The following ZNF146 variants were observed in gnomAD, a reference collection of about 807,000 sequenced individuals.
ZNF146 encodes the protein zinc finger protein OZF.
In ZNF146, 9 loss-of-function variants were observed where a neutral mutation model predicts 22.2. The ratio of observed to expected loss-of-function variants is 0.41; its 90% CI spans 0.24 to 0.71. ZNF146 has a LOEUF of 0.71. Among genes scored for constraint, ZNF146 ranks in the 30% least tolerant of loss-of-function variants. The probability of loss-of-function intolerance (pLI) is 0.34; values close to 1 mark genes in which losing one functional copy is unlikely to be tolerated. For missense variants in ZNF146, 194 were observed against 344.8 expected (o/e 0.56, Z 3.46); for synonymous variants, 108 against 119.2 (o/e 0.91, Z 0.61).
intron 2 of ZNF146, among the ~76,000 whole-genome samples, chr19:36,223,584 C>T (rs1218935084): frequency 6.6e-6 from 1 of 151,898 alleles, no homozygotes; most frequent in Non-Finnish European, 1.5e-5. Context: ...AGGATGGTCT[C>T]GATCTCCTGA....
At position 36,217,885 on chromosome 19, in the gene ZNF146, CAAAAAAAA is replaced by C. The variant is rs10590776; in HGVS notation, c.-928-227_-928-220del. Among the ~76,000 whole-genome samples, 4 of 133,272 alleles carry C rather than the reference CAAAAAAAA, an allele frequency of 3.0e-5. No homozygotes were observed. In the East Asian group the frequency reaches 8.8e-4, roughly 29 times the overall value. The allele number at this position is 133,272 out of a possible 152,430, so 87.4% of individuals were successfully genotyped here. On this transcript the variant is annotated intron_variant, in intron 1 of 3. Transcript: ENST00000443387. ...GGGCAACGAGAGTGAAACTCCATCT[CAAAAAAAA>C]AAAAAAAAATTCAAAAGATACATAC...
Position 36,236,153 on chromosome 19 carries a change from A to G in ZNF146, c.-288A>G. The G allele has an allele frequency of 2.9e-6, 1 of 339,590 alleles. No individual in the cohort carries two copies. Among genetic ancestry groups the G allele is most frequent in the Non-Finnish European group, 5.3e-6 (1 of 187,370 alleles). 21.0% of individuals were successfully genotyped at this position (339,590 alleles called of 1,614,324 possible). ...GTATTGACAAGCCCTTAGCTAGATG[A>G]CAATCTCATTGAGAAGCAGAAAATT... On this transcript the variant is annotated 5_prime_UTR_variant, in exon 4 of 4. It removes the in-frame stop codon of an upstream open reading frame in the 5' UTR. Coordinates refer to ENST00000443387, the MANE Select transcript of ZNF146 (RefSeq NM_007145.3).
chr19:36,219,289 G>C (rs1296622223), intron 2 of ZNF146, among the ~76,000 whole-genome samples: 1 of 152,060 alleles, frequency 6.6e-6, no homozygotes, highest in Non-Finnish European at 1.5e-5. Context: ...CACCCCCGCA[G>C]TGGTTGGGAC....
intron 2 of ZNF146, among the ~76,000 whole-genome samples, chr19:36,226,076 A>T (rs924116597): frequency 6.6e-6 from 1 of 152,154 alleles, no homozygotes; most frequent in Non-Finnish European, 1.5e-5. Context: ...AGCCCACGGT[A>T]ACATTTCTCC....
chr19:36,220,292 C>T (rs900475569), intron 2 of ZNF146, among the ~76,000 whole-genome samples: 3 of 151,696 alleles, frequency 2.0e-5, no homozygotes, highest in Non-Finnish European at 4.4e-5. Context: ...AGTCCATATT[C>T]GTATTTCTAA....
At chr19:36,215,038 T>A (rs1976536072), upstream of ZNF146, 1 of 152,330 alleles carries the variant, frequency 6.6e-6, no homozygotes, top group African/African-American at 2.4e-5. Context: ...AGTACCAGCC[T>A]GGGCCTGGCC....
At chr19:36,225,830 G>T (rs1230269333) in intron 2 of ZNF146, among the ~76,000 whole-genome samples, 2 of 142,816 alleles carry the variant, frequency 1.4e-5, no homozygotes, top group African/African-American at 5.3e-5. Flanking sequence ...GCATGATCAC[G>T]GCTCACTGCA....
chr19:36,236,515 C>T lies in ZNF146; in HGVS notation c.75C>T (p.Phe25=). The T allele has an allele frequency of 1.2e-6, 2 of 1,614,182 alleles. No homozygotes were observed. The highest frequency in any genetic ancestry group is 1.7e-6 in the Non-Finnish European group (2 of 1,180,028). ...PFACKVCGKV[F]SHKSNLTEHE... ...CCTGTAAGGTATGTGGAAAAGTCTT[C>T]AGCCACAAATCAAACCTCACTGAGC... is the stretch of plus-strand genomic sequence containing the variant. Residue 25 remains phenylalanine (F), a synonymous_variant, in exon 4 of 4, where the codon TTC becomes TTT. Coordinates refer to ENST00000443387, the MANE Select transcript of ZNF146 (RefSeq NM_007145.3).
chr19:36,236,903 C>G lies in ZNF146; in HGVS notation c.463C>G (p.Pro155Ala), dbSNP rs1362163987. ...EHEKIHIGEK[P>A]FKCSECGTAF... ...TGAGAAAATCCATATTGGAGAGAAG[C>G]CTTTTAAATGTAGTGAATGTGGAAC... is the stretch of plus-strand genomic sequence containing the variant. Residue 155 changes from proline (P) to alanine (A), a missense_variant, in exon 4 of 4, where the codon CCT (proline) becomes GCT (alanine). Around this residue, in one of 2 missense-constraint regions of ZNF146, gnomAD observed 147 missense variants for 300.1 expected, o/e 0.49. Transcript: ENST00000443387. 3 of 1,613,952 alleles carry G rather than the reference C, an allele frequency of 1.9e-6. No individual in the cohort carries two copies. The highest frequency in any genetic ancestry group is 3.3e-5 in the Admixed American group (2 of 60,004).
chr19:36,214,846 T>C (rs970791341), upstream of ZNF146: 1 of 152,580 alleles, frequency 6.6e-6, no homozygotes, highest in African/African-American at 2.4e-5. Flanking sequence ...CTCCAGACCT[T>C]CCAGCAAGCT....
intron 2 of ZNF146, among the ~76,000 whole-genome samples, chr19:36,221,284 CTTTTTTTTTTTTTT>C (rs74172797): frequency 2.0e-5 from 2 of 98,700 alleles, no homozygotes; most frequent in African/African-American, 8.4e-5. Context: ...TAAGGGACTG[CTTTTTTTTTTTTTT>C]TTTTTTTTGA....
intron 3 of ZNF146, among the ~76,000 whole-genome samples, chr19:36,229,155 A>G (rs933025723): frequency 1.3e-5 from 2 of 152,152 alleles, no homozygotes; most frequent in Non-Finnish European, 2.9e-5. Flanking sequence ...AACCTTACAT[A>G]TTGTCTGATA....
At chr19:36,221,806 A>G (rs192522648) in intron 2 of ZNF146, among the ~76,000 whole-genome samples, 155 of 148,732 alleles carry the variant, frequency 1.0e-3, no homozygotes, top group Non-Finnish European at 1.9e-3. Flanking sequence ...ACTATTATAT[A>G]TTTCTCTTCA....
intron 2 of ZNF146, among the ~76,000 whole-genome samples, chr19:36,223,142 C>T (rs1010066268): frequency 1.8e-4 from 28 of 151,604 alleles, no homozygotes; most frequent in Admixed American, 2.6e-4. Context: ...TTTGGCTGGG[C>T]GCGATGGCTC....
chr19:36,219,010 G>A (rs910363387), intron 2 of ZNF146, among the ~76,000 whole-genome samples: 2 of 150,886 alleles, frequency 1.3e-5, no homozygotes, highest in Admixed American at 6.6e-5. Context: ...GGATTTCACC[G>A]TGTTAGCCAG....
chr19:36,236,808 C>A lies in ZNF146; in HGVS notation c.368C>A (p.Thr123Lys). Residue 123 changes from threonine (T) to lysine (K), a missense_variant, in exon 4 of 4, where the codon ACA becomes AAA. Thr to Lys is a moderately conservative substitution (Grantham distance 78). Around this residue, in one of 2 missense-constraint regions of ZNF146, gnomAD observed 147 missense variants for 300.1 expected, o/e 0.49. Coordinates refer to ENST00000443387, the MANE Select transcript of ZNF146 (RefSeq NM_007145.3). ...CTCATCAGACACCAGAGAACTCACA[C>A]AGGAGAGAAGCCCTTTGTATGTAAG... is the stretch of plus-strand genomic sequence containing the variant. ...SNLIRHQRTH[T>K]GEKPFVCKEC... 6.2e-7 allele frequency: 1 copy of A among 1,614,128 alleles called. No individual in the cohort carries two copies. Among genetic ancestry groups the A allele is most frequent in the Non-Finnish European group, 8.5e-7 (1 of 1,180,020 alleles).
At chr19:36,223,130 C>G (rs1343686461) in intron 2 of ZNF146, among the ~76,000 whole-genome samples, 1 of 151,526 alleles carries the variant, frequency 6.6e-6, no homozygotes, top group Non-Finnish European at 1.5e-5. Flanking sequence ...ATTTTCAAAA[C>G]TTTTGGCTGG....
intron 2 of ZNF146, among the ~76,000 whole-genome samples, chr19:36,220,035 T>C (rs1324614261): frequency 1.3e-5 from 2 of 152,164 alleles, no homozygotes; most frequent in African/African-American, 4.8e-5. Flanking sequence ...CCCCTTCAGG[T>C]CATTCTTGTC....
In ZNF146 at chr19:36,236,656, C is replaced by T. The variant is rs774374838; in HGVS notation, c.216C>T (p.Phe72=). ...HQNTHTGEKL[F]ECNECGKSFS... is the part of the protein sequence containing the mutation. ...ACACCCATACTGGCGAGAAGCTTTT[C>T]GAATGTAATGAATGTGGAAAATCAT... Residue 72 remains phenylalanine (F), a synonymous_variant, in exon 4 of 4, where the codon TTC becomes TTT. Transcript: ENST00000443387. 4.3e-6 allele frequency: 7 copies of T among 1,614,010 alleles called. No homozygotes were observed. The South Asian group carries it at 5.5e-5, about 13-fold the overall frequency.
Sources: gnomAD v4.1 joint callset for allele counts (sites outside exome capture counted in the v4.1 genomes callset) on GRCh38, gnomAD v4.1.1 for gene constraint, gnomAD v4.1.1 regional missense constraint, MANE v1.5 for transcripts, NCBI Gene and HGNC (gene_info 2026-07-23, HGNC 2026-07-21) for gene names.